The following HEPH variants were observed in gnomAD, a reference collection of about 807,000 sequenced individuals.
The protein encoded by HEPH is hephaestin.
HEPH carries 69 observed loss-of-function variants against 80.8 expected under a neutral mutation model. That is an observed-to-expected ratio of 0.85 (90% confidence interval 0.70 to 1.04). The LOEUF (loss-of-function observed/expected upper bound fraction) is 1.04. HEPH is among the 50% of genes least tolerant of loss of function. The probability of loss-of-function intolerance (pLI) is 0.00; values close to 1 mark genes in which losing one functional copy is unlikely to be tolerated. For missense variants in HEPH, 1,115 were observed against 891.3 expected (o/e 1.25, Z -3.20); for synonymous variants, 431 against 322.8 (o/e 1.34, Z -3.60).
In HEPH at chrX:66,231,128, T is replaced by G. The variant is rs199944889; in HGVS notation, c.2563+22882T>G. Among the ~76,000 whole-genome samples the G allele has an allele frequency of 7.8e-3, 858 of 109,835 alleles. 44 individuals are homozygous for G. The East Asian group carries it at 0.17, about 22-fold the overall frequency. On this transcript the variant is annotated intron_variant, in intron 15 of 20. Transcript: ENST00000343002. The stretch of plus-strand genomic sequence containing the variant: ...TTCTGAGGGCTCTGTTCTGTTCCAT[T>G]GATCTATATCTCTGTTTTGGTACAA...
chrX:66,229,100 T>C (rs990750905), intron 15 of HEPH, among the ~76,000 whole-genome samples: 1 of 112,150 alleles, frequency 8.9e-6, no homozygotes, highest in Non-Finnish European at 1.9e-5. Context: ...AGCAGCACGA[T>C]TTGCAATTGC....
chrX:66,201,782 A>C (rs954873453), intron 12 of HEPH, among the ~76,000 whole-genome samples: 4 of 112,337 alleles, frequency 3.6e-5, no homozygotes, highest in Non-Finnish European at 7.5e-5. Context: ...TAGAAAGGAC[A>C]ATTTGGAGGC....
chrX:66,206,125 C>T (rs2088759108), intron 13 of HEPH, among the ~76,000 whole-genome samples: 1 of 110,388 alleles, frequency 9.1e-6, no homozygotes, highest in Non-Finnish European at 1.9e-5. Context: ...TTCATTCCCT[C>T]CCTATGTCTC....
At chrX:66,259,202 G>A (rs756633519) in intron 18 of HEPH, among the ~76,000 whole-genome samples, 2 of 111,853 alleles carry the variant, frequency 1.8e-5, no homozygotes, top group Admixed American at 1.9e-4. Context: ...GACAAAAAAG[G>A]CCCATTTATC....
Position 66,256,065 on chromosome X carries a change from T to C in HEPH, c.2671-40T>C, listed in dbSNP as rs772951049. 6.4e-6 allele frequency: 7 copies of C among 1,085,384 alleles called. No individual in the cohort carries two copies. In the Admixed American group the frequency reaches 9.6e-5, roughly 15 times the overall value. The allele number at this position is 1,085,384 out of a possible 1,213,427, so 89.4% of individuals were successfully genotyped here. ...CGGAGTACTGCTACCCAGAAACAAC[T>C]CCATCTCTTTCTCTCTCTCCCACTT... On this transcript the variant is annotated intron_variant, in intron 16 of 20. Transcript: ENST00000343002.
At chrX:66,197,943 G>A (rs1424478384) in intron 10 of HEPH, 49 bp downstream of exon 10, 2 of 1,059,300 alleles carry the variant, frequency 1.9e-6, no homozygotes, top group South Asian at 2.0e-5. Flanking sequence ...GAAGGATGAA[G>A]CTGGGTTGCT....
chrX:66,162,932 G>T, upstream of HEPH: 1 of 1,063,970 alleles, frequency 9.4e-7, no homozygotes, highest in East Asian at 3.3e-5. Context: ...CTATACCTGG[G>T]TCTGTTGGGT....
At chrX:66,202,312 G>A (rs1296940485) in intron 12 of HEPH, among the ~76,000 whole-genome samples, 2 of 111,885 alleles carry the variant, frequency 1.8e-5, no homozygotes, top group African/African-American at 6.5e-5. Flanking sequence ...ACAATGTGTG[G>A]GAGGTGGAAC....
At position 66,207,295 on chromosome X, in the gene HEPH, CGG is replaced by C; in HGVS notation, c.2393_2394del (p.Arg798ProfsTer19). On this transcript the variant is annotated frameshift_variant, in exon 14 of 21. Coordinates refer to ENST00000343002, the MANE Select transcript of HEPH (RefSeq NM_001367233.3). LOFTEE classifies it high-confidence loss of function. ...CACTGATGGTACATTCAGGATCCCT[CGG>C]CCAAGGACTGGACCAGAAGAACACT... The part of the protein sequence containing the change: ...EYTDGTFRIP[R>X]PRTGPEEHLG... The C allele has an allele frequency of 1.7e-6, 2 of 1,200,092 alleles. No individual in the cohort carries two copies. Among genetic ancestry groups the C allele is most frequent in the Non-Finnish European group, 2.2e-6 (2 of 888,912 alleles).
Position 66,224,036 on chromosome X carries a change from T to A in HEPH, c.2563+15790T>A, listed in dbSNP as rs2089770984. ...AGTTAATGTATTTCAGGATAAGAAT[T>A]TACCATATAACACTCTTTTTACTAA... On this transcript the variant is annotated intron_variant, in intron 15 of 20. Transcript: ENST00000343002. Among the ~76,000 whole-genome samples the A allele has an allele frequency of 2.7e-5, 3 of 110,839 alleles. No individual in the cohort carries two copies. The South Asian group carries it at 1.1e-3, about 42-fold the overall frequency.
At chrX:66,194,848 T>G (rs1236453720) in intron 8 of HEPH, among the ~76,000 whole-genome samples, 1 of 112,156 alleles carries the variant, frequency 8.9e-6, no homozygotes, top group Non-Finnish European at 1.9e-5. Flanking sequence ...AAATTGGAGT[T>G]AATAATTTTT....
chrX:66,218,846 GATAAC>G (rs1242891865), intron 15 of HEPH, among the ~76,000 whole-genome samples: 1 of 94,573 alleles, frequency 1.1e-5, no homozygotes, highest in Non-Finnish European at 2.1e-5. Flanking sequence ...GTAATCTATA[GATAAC>G]ATAACTGATT....
At chrX:66,234,865 T>A (rs2090297963) in intron 15 of HEPH, among the ~76,000 whole-genome samples, 1 of 110,432 alleles carries the variant, frequency 9.1e-6, no homozygotes, top group Non-Finnish European at 1.9e-5. Flanking sequence ...GGCAGGTTGG[T>A]CTTGAACTCC....
At chrX:66,170,432 G>A in intron 1 of HEPH, 126 bp from the exon 2 acceptor site, 1 of 491,821 alleles carries the variant, frequency 2.0e-6, no homozygotes, top group Non-Finnish European at 3.3e-6. Context: ...AAAGAAACTG[G>A]GCTAAATGGG....
At chrX:66,193,772 T>C (rs1210829763) in intron 8 of HEPH, 134 bp downstream of exon 8, 1 of 408,098 alleles carries the variant, frequency 2.5e-6, no homozygotes, top group Non-Finnish European at 4.1e-6. Context: ...TATGAGATGA[T>C]TGTTTTGTGA....
chrX:66,256,842 A>G (rs1451739250), intron 17 of HEPH, among the ~76,000 whole-genome samples: 1 of 112,288 alleles, frequency 8.9e-6, no homozygotes, highest in East Asian at 2.8e-4. Context: ...ATCCTCAGTG[A>G]GAAGCATACT....
At chrX:66,244,331 A>G (rs955731709) in intron 15 of HEPH, among the ~76,000 whole-genome samples, 1 of 111,813 alleles carries the variant, frequency 8.9e-6, no homozygotes, top group Non-Finnish European at 1.9e-5. Context: ...GTATCTTTAC[A>G]TAATCTGATA....
rs1054637501 is a variant in HEPH at position 66,266,599 on chromosome X, G to A, written c.3404G>A (p.Arg1135Gln). 1.9e-5 allele frequency: 23 copies of A among 1,207,820 alleles called. No individual in the cohort carries two copies. Among genetic ancestry groups the A allele is most frequent in the African/African-American group, 3.5e-5 (2 of 56,701 alleles). ...GGTGGAGTGGTTTGGTACCAACATC[G>A]ACAGAGAAAGCTACGACGCAATAGG... The part of the protein sequence containing the change: ...ALGGVVWYQH[R>Q]QRKLRRNRRS... The change falls in exon 21 of 21, where the codon CGA becomes CAA. Residue 1135 changes from arginine (R) to glutamine (Q), a missense_variant. Arg to Gln is a conservative substitution (Grantham distance 43). Coordinates refer to ENST00000343002, the MANE Select transcript of HEPH (RefSeq NM_001367233.3).
intron 4 of HEPH, among the ~76,000 whole-genome samples, chrX:66,181,103 G>A (rs2087126053): frequency 4.3e-5 from 1 of 23,325 alleles, no homozygotes; most frequent in Non-Finnish European, 6.1e-5. Flanking sequence ...TATCATTGTT[G>A]GACATTTGGG....
Sources: allele counts gnomAD v4.1 joint callset (sites outside exome capture counted in the v4.1 genomes callset), GRCh38; gene constraint gnomAD v4.1.1; transcripts MANE v1.5; gene names NCBI Gene and HGNC (gene_info 2026-07-23, HGNC 2026-07-21).